BRF1: variants seen among roughly 807,000 people sequenced by gnomAD.
BRF1 encodes transcription factor IIIB 90 kDa subunit.
Under a neutral mutation model 81.7 loss-of-function variants are expected in BRF1, and 59 were observed. The observed-to-expected ratio is 0.72, with a 90% CI of 0.59 to 0.90. The LOEUF (loss-of-function observed/expected upper bound fraction) is 0.90. Ranked by LOEUF, BRF1 falls within the 40% of genes least tolerant of loss-of-function variation. The pLI, the probability that BRF1 is intolerant of heterozygous loss-of-function variation, is 0.00. For missense variants in BRF1, 1,050 were observed against 936.3 expected, an observed-to-expected ratio of 1.12 and a Z score of -1.58; for synonymous variants, 491 against 395.6, an observed-to-expected ratio of 1.24 and a Z score of -2.86.
At chr14:105,279,956 A>G (rs2057001292) in intron 2 of BRF1, among the ~76,000 whole-genome samples, 1 of 152,262 alleles carries the variant, frequency 6.6e-6, no homozygotes, top group Non-Finnish European at 1.5e-5. Context: ...GCGGACGACT[A>G]GAGCCACAGG....
chr14:105,310,533 C>CAAAAAAAAAAAAAAAAAAAAAAAAAA (rs764203821), intron 1 of BRF1, among the ~76,000 whole-genome samples: 1 of 79,742 alleles, frequency 1.3e-5, no homozygotes, highest in Non-Finnish European at 2.3e-5. Context: ...GACTCTGTCT[C>CAAAAAAAAAAAAAAAAAAAAAAAAAA]AAAAAAAAAA....
At chr14:105,295,664 G>C (rs2057707910) in intron 1 of BRF1, among the ~76,000 whole-genome samples, 1 of 151,752 alleles carries the variant, frequency 6.6e-6, no homozygotes, top group South Asian at 2.1e-4. Flanking sequence ...CATGCCCGTA[G>C]TCCTAGCTAC....
chr14:105,242,975 G>A (rs1363696289), intron 5 of BRF1, among the ~76,000 whole-genome samples: 1 of 150,824 alleles, frequency 6.6e-6, no homozygotes, highest in Admixed American at 6.6e-5. Flanking sequence ...AATGAGCTGG[G>A]CGTGGTGGTG....
At chr14:105,249,028 G>T in intron 5 of BRF1, 3 of 1,185,198 alleles carry the variant, frequency 2.5e-6, no homozygotes, top group Non-Finnish European at 3.1e-6. Flanking sequence ...CCCACACTCG[G>T]CAACAACCAC....
intron 7 of BRF1, chr14:105,227,611 C>G (rs1382440971): frequency 2.0e-5 from 3 of 152,292 alleles, no homozygotes; most frequent in Non-Finnish European, 2.9e-5. Context: ...TCATCCCTCA[C>G]AAGAGAACCC....
intron 1 of BRF1, among the ~76,000 whole-genome samples, chr14:105,293,875 C>G (rs745433754): frequency 2.6e-5 from 4 of 152,224 alleles, no homozygotes; most frequent in Non-Finnish European, 4.4e-5. Context: ...AACTGCGAAG[C>G]TGTATCAGGC....
intron 5 of BRF1, chr14:105,247,679 T>G: frequency 1.0e-6 from 1 of 985,334 alleles, no homozygotes; most frequent in Non-Finnish European, 1.2e-6. Context: ...CCTGTGGGGT[T>G]TCCTGCATAT....
At chr14:105,264,288 T>C (rs975115753) in intron 3 of BRF1, among the ~76,000 whole-genome samples, 4 of 151,290 alleles carry the variant, frequency 2.6e-5, no homozygotes, top group Non-Finnish European at 4.4e-5. Context: ...CTGGGCAACA[T>C]AGCAAGACAC....
At chr14:105,300,335 C>T in intron 1 of BRF1, 111 bp downstream of exon 1, 1 of 1,239,356 alleles carries the variant, frequency 8.1e-7, no homozygotes, top group Non-Finnish European at 1.1e-6. Flanking sequence ...GAACCGCGCG[C>T]CCCGACAGAG....
intron 1 of BRF1, among the ~76,000 whole-genome samples, chr14:105,311,883 G>C (rs979847722): frequency 4.6e-5 from 7 of 152,238 alleles, no homozygotes; most frequent in Non-Finnish European, 1.0e-4. Context: ...CATGGGAGTG[G>C]ATGCGGCAGG....
chr14:105,247,724 G>A (rs1220788931), intron 5 of BRF1: 2 of 985,478 alleles, frequency 2.0e-6, no homozygotes, highest in East Asian at 1.1e-4. Context: ...GGCGGTCCAG[G>A]AGGTTGCGTG....
At chr14:105,211,850 C>G (rs1054397911) in intron 16 of BRF1, 9 of 533,394 alleles carry the variant, frequency 1.7e-5, no homozygotes, top group African/African-American at 3.8e-5. Context: ...ACCAGGCCCA[C>G]AGCAAGGCTG....
At chr14:105,291,581 C>G (rs2057513651) in intron 1 of BRF1, among the ~76,000 whole-genome samples, 1 of 151,912 alleles carries the variant, frequency 6.6e-6, no homozygotes, top group Admixed American at 6.6e-5. Flanking sequence ...ACTCGGGAGG[C>G]TGAGGCAGGA....
In BRF1 at chr14:105,226,129, T is replaced by C; in HGVS notation, c.988A>G (p.Ile330Val). 6.2e-7 allele frequency: 1 copy of C among 1,613,990 alleles called. No individual in the cohort carries two copies. The highest frequency in any genetic ancestry group is 8.5e-7 in the Non-Finnish European group (1 of 1,180,036). Residue 330 changes from isoleucine to valine, a missense_variant, in exon 10 of 18, where the codon ATT becomes GTT. Around this residue, in one of 2 missense-constraint regions of BRF1, gnomAD observed 1,043 missense variants for 915.4 expected, o/e 1.14. Transcript: ENST00000547530. ...EISSYQDAIEIELENSRPKAK... is the reference protein window; with the variant it reads ...EISSYQDAIEVELENSRPKAK... ...TTTGGCCGGCTGTTTTCTAGTTCAA[T>C]CTCAATTGCATCCTGGTAACTGGAT...
At chr14:105,293,359 C>G (rs973388210) in intron 1 of BRF1, among the ~76,000 whole-genome samples, 1 of 152,184 alleles carries the variant, frequency 6.6e-6, no homozygotes. Flanking sequence ...CACGGACACC[C>G]CAGCTTCGAA....
intron 1 of BRF1, among the ~76,000 whole-genome samples, chr14:105,299,980 C>G (rs2057921355): frequency 6.6e-6 from 1 of 152,270 alleles, no homozygotes; most frequent in Non-Finnish European, 1.5e-5. Context: ...GGGTCCATCC[C>G]CAGCCCGCAA....
At position 105,221,851 on chromosome 14, in the gene BRF1, T is replaced by G; in HGVS notation, c.1112A>C (p.Glu371Ala). ...GEEDTEDEEL[E>A]AAASHLNKDL... is the part of the protein sequence containing the mutation. ...TTTGTTCAGGTGGCTGGCCGCGGCTTCCAGCTCCTCGTCCTCTGTGTCCTC... is the reference window on the plus strand; with the variant it reads ...TTTGTTCAGGTGGCTGGCCGCGGCTGCCAGCTCCTCGTCCTCTGTGTCCTC... The change falls in exon 11 of 18, where the codon GAA becomes GCA. Residue 371 changes from glutamate (E) to alanine (A), a missense_variant. Physicochemically the swap from Glu to Ala is moderately radical, Grantham distance 107. This residue lies in a region of BRF1 where 1,043 missense variants were observed against 915.4 expected (regional missense o/e 1.14). Transcript: ENST00000547530. 1.2e-6 allele frequency: 2 copies of G among 1,605,822 alleles called. No individual in the cohort carries two copies. The highest frequency in any genetic ancestry group is 1.1e-5 in the South Asian group (1 of 89,898).
intron 3 of BRF1, among the ~76,000 whole-genome samples, chr14:105,266,318 C>T (rs587765209): frequency 3.6e-4 from 55 of 152,170 alleles, no homozygotes; most frequent in African/African-American, 1.1e-3. Context: ...GATGCTGAGG[C>T]GAGAGAGTCG....
At chr14:105,211,928 C>T (rs587694015) in intron 16 of BRF1, 185 bp downstream of exon 16, 8 of 826,610 alleles carry the variant, frequency 9.7e-6, no homozygotes, top group East Asian at 2.7e-5. Flanking sequence ...GCTCCTGCTC[C>T]GGCAACCGGG....
Sources: allele counts gnomAD v4.1 joint callset (sites outside exome capture counted in the v4.1 genomes callset), GRCh38; gene constraint gnomAD v4.1.1; regional missense constraint gnomAD v4.1.1; transcripts MANE v1.5; gene names NCBI Gene and HGNC (gene_info 2026-07-23, HGNC 2026-07-21).